ACP4: variants seen among roughly 807,000 people sequenced by gnomAD.
ACP4 encodes the protein testicular acid phosphatase.
ACP4 carries 49 observed loss-of-function variants against 47.3 expected under a neutral mutation model. That is an observed-to-expected ratio of 1.04 (90% CI 0.82 to 1.32). ACP4 has a LOEUF of 1.32. Ranked by LOEUF, ACP4 falls within the 40% of genes most tolerant of loss-of-function variation. ACP4 has a pLI of 0.00. For missense variants in ACP4, 594 were observed against 579.3 expected (o/e 1.03, Z -0.26); for synonymous variants, 299 against 265.3 (o/e 1.13, Z -1.23).
In ACP4 at chr19:50,790,652, A is replaced by T; in HGVS notation, c.170A>T (p.Glu57Val). 6.9e-7 allele frequency: 1 copy of T among 1,459,462 alleles called. No homozygotes were observed. The highest frequency in any genetic ancestry group is 9.1e-7 in the Non-Finnish European group (1 of 1,092,958). The allele number at this position is 1,459,462 out of a possible 1,614,324, so 90.4% of individuals were successfully genotyped here. Residue 57 changes from glutamate (E) to valine (V), a missense_variant, in exon 2 of 11, where the codon GAG becomes GTG. Physicochemically the swap from Glu to Val is moderately radical, Grantham distance 121. Coordinates refer to ENST00000270593, the MANE Select transcript of ACP4 (RefSeq NM_033068.3). Reference protein sequence around the residue: ...LASYPMDPHKEVASTLWPRGL... With the variant: ...LASYPMDPHKVVASTLWPRGL... ...TCCTACCCCATGGACCCACACAAGG[A>T]GGTGGCCTCCACCCTGTGGCCACGA...
intron 9 of ACP4, 50 bp downstream of exon 9, chr19:50,794,631 G>C (rs746709186): frequency 6.1e-5 from 98 of 1,613,140 alleles, no homozygotes; most frequent in Non-Finnish European, 8.0e-5. Flanking sequence ...AACTCTCAAA[G>C]CAAGGGGTGA....
rs772537892 is a variant in ACP4, at chr19:50,794,841, C to T, written c.1042C>T (p.Leu348Phe). ...TGACTCCGCCCACCTGCCCCTGCCT[C>T]TCAGCCTCCCCGGGTGCCCGGCCCC... ...RNDSAHLPLPLSLPGCPAPCP... is the reference protein window; with the variant it reads ...RNDSAHLPLPFSLPGCPAPCP... The change falls in exon 10 of 11, where the codon CTC (leucine) becomes TTC (phenylalanine). Residue 348 changes from leucine (L) to phenylalanine (F), a missense_variant. Leu to Phe is a conservative substitution (Grantham distance 22). Coordinates refer to ENST00000270593, the MANE Select transcript of ACP4 (RefSeq NM_033068.3). The T allele has an allele frequency of 2.0e-5, 32 of 1,613,488 alleles. No individual in the cohort carries two copies. In the South Asian group the frequency reaches 3.3e-4, roughly 17 times the overall value.
At chr19:50,794,662 G>T in intron 9 of ACP4, 81 bp downstream of exon 9, 1 of 1,605,988 alleles carries the variant, frequency 6.2e-7, no homozygotes, top group Non-Finnish European at 8.5e-7. Context: ...AGAGGGCATG[G>T]CCAGGTGGGG....
rs776398486 is a variant in ACP4, at chr19:50,791,712, T to C, written c.360T>C (p.Leu120=). Residue 120 remains leucine (L), a synonymous_variant, in exon 4 of 11, where the codon CTT becomes CTC. Coordinates refer to ENST00000270593, the MANE Select transcript of ACP4 (RefSeq NM_033068.3). ...CGCTGGAGAGTGCCCAGGCCAACCT[T>C]GCCGGGCTGTTTCCCGAGGCTGCTC... ...DRTLESAQAN[L]AGLFPEAAPG... The C allele has an allele frequency of 1.2e-6, 2 of 1,613,314 alleles. No individual in the cohort carries two copies. The highest frequency in any genetic ancestry group is 1.7e-6 in the Non-Finnish European group (2 of 1,179,898).
chr19:50,792,075 G>T lies in ACP4; in HGVS notation c.453G>T (p.Leu151=). The T allele has an allele frequency of 6.3e-7, 1 of 1,579,750 alleles. No homozygotes were observed. Residue 151 remains leucine (L), a splice_region_variant and synonymous_variant, in exon 5 of 11, where the codon CTG becomes CTT. Coordinates refer to ENST00000270593, the MANE Select transcript of ACP4 (RefSeq NM_033068.3). ...CTCTGAGACTCAGTTTTCCCCAGCT[G>T]CTGAGGTTCCCCATGCGCAGCTGTC... ...VHTVPVAEDK[L]LRFPMRSCPR...
At position 50,791,696 on chromosome 19, in the gene ACP4, G is replaced by T; in HGVS notation, c.344G>T (p.Ser115Ile). 1.2e-6 allele frequency: 2 copies of T among 1,613,438 alleles called. No individual in the cohort carries two copies. The highest frequency in any genetic ancestry group is 8.5e-7 in the Non-Finnish European group (1 of 1,179,936). Residue 115 changes from serine to isoleucine, a missense_variant, in exon 4 of 11, where the codon AGT becomes ATT. Transcript: ENST00000270593. ...ACGGACTTTGACCGCACGCTGGAGA[G>T]TGCCCAGGCCAACCTTGCCGGGCTG... The part of the protein sequence containing the change: ...RSTDFDRTLE[S>I]AQANLAGLFP...
chr19:50,791,625 C>A (rs994545125), intron 3 of ACP4, 31 bp from the exon 4 acceptor site: 7 of 1,593,086 alleles, frequency 4.4e-6, no homozygotes, highest in African/African-American at 2.7e-5. Context: ...AACCACGACC[C>A]CCCGCGTGCC....
At chr19:50,794,613 T>C (rs2089539932) in intron 9 of ACP4, 32 bp downstream of exon 9, 3 of 1,613,564 alleles carry the variant, frequency 1.9e-6, no homozygotes, top group Admixed American at 1.7e-5. Context: ...GGGACATGGG[T>C]GGGACAGAAC....
At chr19:50,793,402 C>T (rs568772646) in intron 6 of ACP4, 16 of 423,716 alleles carry the variant, frequency 3.8e-5, no homozygotes, top group African/African-American at 5.9e-5. Context: ...GTAATCACAG[C>T]TACTTGGGAG....
intron 4 of ACP4, 58 bp from the exon 5 acceptor site, chr19:50,792,015 G>A (rs1008722233): frequency 9.9e-6 from 15 of 1,512,442 alleles, no homozygotes; most frequent in African/African-American, 4.2e-5. Context: ...CCCCCGACCC[G>A]CTGTGAGACC....
chr19:50,791,876 T>C, intron 4 of ACP4, 74 bp downstream of exon 4: 1 of 1,509,194 alleles, frequency 6.6e-7, no homozygotes, highest in Non-Finnish European at 8.9e-7. Context: ...TCTGGCCGCC[T>C]GAGCTGGCTC....
chr19:50,792,016 C>T, intron 4 of ACP4, 57 bp from the exon 5 acceptor site: 1 of 1,514,854 alleles, frequency 6.6e-7, no homozygotes, highest in Non-Finnish European at 8.9e-7. Context: ...CCCCGACCCG[C>T]TGTGAGACCC....
Position 50,791,231 on chromosome 19 carries a change from C to T in ACP4, c.303+371C>T, listed in dbSNP as rs184106969. 3.9e-3 allele frequency among the ~76,000 whole-genome samples: 592 copies of T among 152,294 alleles called. 5 individuals are homozygous for T. Among genetic ancestry groups the T allele is most frequent in the Middle Eastern group, 6.8e-3 (2 of 294 alleles). On this transcript the variant is annotated intron_variant, in intron 3 of 10. Coordinates refer to ENST00000270593, the MANE Select transcript of ACP4 (RefSeq NM_033068.3). The stretch of plus-strand genomic sequence containing the variant: ...CTTGACCTCTAACCTTTAACCTCTA[C>T]GCTTTATCAATTCTGACCTACCTTT...
Position 50,794,838 on chromosome 19 carries a change from C to T in ACP4, c.1039C>T (p.Pro347Ser), listed in dbSNP as rs1568466036. 6.2e-7 allele frequency: 1 copy of T among 1,613,250 alleles called. No homozygotes were observed. The highest frequency in any genetic ancestry group is 2.2e-5 in the East Asian group (1 of 44,874). ...YRNDSAHLPL[P>S]LSLPGCPAPC... ...CAATGACTCCGCCCACCTGCCCCTG[C>T]CTCTCAGCCTCCCCGGGTGCCCGGC... Residue 347 changes from proline (P) to serine (S), a missense_variant, in exon 10 of 11, where the codon CCT (proline) becomes TCT (serine). Coordinates refer to ENST00000270593, the MANE Select transcript of ACP4 (RefSeq NM_033068.3).
chr19:50,794,143 G>A (rs1477232665), intron 8 of ACP4, among the ~76,000 whole-genome samples, 173 bp downstream of exon 8: 1 of 152,228 alleles, frequency 6.6e-6, no homozygotes, highest in East Asian at 1.9e-4. Flanking sequence ...AGAGGGAGGT[G>A]ACGGTGTTAT....
Position 50,794,586 on chromosome 19 carries a change from G to C in ACP4, c.986+5G>C. On this transcript the variant is annotated splice_donor_5th_base_variant and intron_variant, in intron 9 of 10. Transcript: ENST00000270593. ...GAATCCCGCCAAAGATGGAGGGTGA[G>C]AATGGTTTGGTGCCCAGGGACATGG... The C allele has an allele frequency of 6.2e-7, 1 of 1,614,094 alleles. No individual in the cohort carries two copies. The highest frequency in any genetic ancestry group is 8.5e-7 in the Non-Finnish European group (1 of 1,180,000).
chr19:50,794,331 G>C (rs2089536367), intron 8 of ACP4, 126 bp from the exon 9 acceptor site: 1 of 1,365,776 alleles, frequency 7.3e-7, no homozygotes, highest in Non-Finnish European at 9.9e-7. Flanking sequence ...TTCAGGATGG[G>C]AGGAAGGAGT....
At chr19:50,794,749 A>G in intron 9 of ACP4, 37 bp from the exon 10 acceptor site, 1 of 1,574,682 alleles carries the variant, frequency 6.4e-7, no homozygotes, top group Admixed American at 1.8e-5. Context: ...GATCAATGAC[A>G]GGAGGGAGGA....
intron 3 of ACP4, among the ~76,000 whole-genome samples, chr19:50,791,247 A>G: frequency 6.6e-6 from 1 of 151,904 alleles, no homozygotes; most frequent in South Asian, 2.1e-4. Flanking sequence ...ATCAATTCTG[A>G]CCTACCTTTT....
Sources: gnomAD v4.1 joint callset for allele counts (sites outside exome capture counted in the v4.1 genomes callset) on GRCh38, gnomAD v4.1.1 for gene constraint, MANE v1.5 for transcripts, NCBI Gene and HGNC (gene_info 2026-07-23, HGNC 2026-07-21) for gene names.